The following FBXO7 variants were observed in gnomAD, a reference collection of about 807,000 sequenced individuals.
The protein encoded by FBXO7 is F-box protein 7.
A neutral mutation model predicts 50.2 loss-of-function variants in FBXO7; 31 were observed. The ratio of observed to expected loss-of-function variants is 0.62; its 90% confidence interval spans 0.46 to 0.83. The LOEUF (loss-of-function observed/expected upper bound fraction) is 0.83. FBXO7 is among the 40% of genes least tolerant of loss of function. The probability of loss-of-function intolerance (pLI) is 0.00; values close to 1 mark genes in which losing one functional copy is unlikely to be tolerated. For synonymous variants in FBXO7, 256 were observed against 253.1 expected, an observed-to-expected ratio of 1.01 and a Z score of -0.11; for missense variants, 667 against 646.6, an observed-to-expected ratio of 1.03 and a Z score of -0.34.
chr22:32,492,053 G>A (rs1443943366), intron 6 of FBXO7: 1 of 152,010 alleles, frequency 6.6e-6, no homozygotes, highest in African/African-American at 2.4e-5. Context: ...TTCCACTCAC[G>A]TTTTGTCAGA....
rs1311482312 is a variant in FBXO7 at position 32,498,472 on chromosome 22, G to C, written c.1511G>C (p.Arg504Thr). ...CCAGGGCGAGGCGGCCCCAATGACA[G>C]ATTTCCCTTTAGACCCAGCAGGGGT... ...ILPGRGGPND[R>T]FPFRPSRGRP... The change falls in exon 9 of 9, where the codon AGA becomes ACA. Residue 504 changes from arginine (R) to threonine (T), a missense_variant. Transcript: ENST00000266087. 1.2e-6 allele frequency: 2 copies of C among 1,614,188 alleles called. No individual in the cohort carries two copies. The highest frequency in any genetic ancestry group is 4.5e-5 in the East Asian group (2 of 44,888).
intron 5 of FBXO7, chr22:32,488,290 G>A (rs1279886416): frequency 6.3e-6 from 1 of 159,628 alleles, no homozygotes; most frequent in African/African-American, 2.4e-5. Context: ...AAATTTGATG[G>A]CTATTTTATA....
chr22:32,487,728 CTTT>C lies in FBXO7; in HGVS notation c.788-15_788-13del, dbSNP rs746152231. 1.5e-5 allele frequency: 23 copies of C among 1,544,228 alleles called. No homozygotes were observed. Among genetic ancestry groups the C allele is most frequent in the Non-Finnish European group, 2.0e-5 (22 of 1,118,602 alleles). Reference sequence around the variant, plus strand: ...AGTGACAGAATTCTTTATCATCTTTCTTTTGTTTATTTACAGCTACACTAAAAA... The same window carrying C: ...AGTGACAGAATTCTTTATCATCTTTCTGTTTATTTACAGCTACACTAAAAA... On this transcript the variant is annotated splice_polypyrimidine_tract_variant and intron_variant, in intron 4 of 8. Coordinates refer to ENST00000266087, the MANE Select transcript of FBXO7 (RefSeq NM_012179.4).
intron 5 of FBXO7, 147 bp downstream of exon 5, chr22:32,487,975 A>C: frequency 1.6e-6 from 1 of 633,206 alleles, no homozygotes; most frequent in South Asian, 1.9e-5. Context: ...AAGAATGCAA[A>C]GGTTTAAAAA....
Position 32,474,858 on chromosome 22 carries a change from C to G in FBXO7, c.-145C>G. ...GCAGGGCGGCCACTGTGGCGGGGCT[C>G]TTTCCCCGTTTCGCCTCAGCTACCC... On this transcript the variant is annotated 5_prime_UTR_variant, in exon 1 of 9. Transcript: ENST00000266087. 1 of 788,078 alleles carries G rather than the reference C, an allele frequency of 1.3e-6. No homozygotes were observed. The highest frequency in any genetic ancestry group is 1.9e-5 in the South Asian group (1 of 52,388). The allele number at this position is 788,078 out of a possible 1,614,324, so 48.8% of individuals were successfully genotyped here. A position where few individuals can be genotyped will look rare whatever the true frequency, so the allele number is the denominator to read the frequency against.
chr22:32,479,380 A>C (rs929245517), intron 2 of FBXO7, 105 bp downstream of exon 2: 157 of 1,022,408 alleles, frequency 1.5e-4, no homozygotes, highest in Non-Finnish European at 2.1e-4. Flanking sequence ...GATAGATTGC[A>C]CATTTTATAT....
chr22:32,483,930 A>G lies in FBXO7; in HGVS notation c.451A>G (p.Ile151Val). The change falls in exon 3 of 9, where the codon ATT (isoleucine) becomes GTT (valine). Residue 151 changes from isoleucine (I) to valine (V), a missense_variant. Ile to Val is a conservative substitution (Grantham distance 29). Coordinates refer to ENST00000266087, the MANE Select transcript of FBXO7 (RefSeq NM_012179.4). The part of the protein sequence containing the change: ...GPSQNFEAES[I>V]QDNAHMAEGT... ...TAGTCAAAATTTTGAAGCTGAGTCA[A>G]TTCAAGATAATGCGCATATGGCAGA... 2 of 1,614,174 alleles carry G rather than the reference A, an allele frequency of 1.2e-6. No homozygotes were observed. Among genetic ancestry groups the G allele is most frequent in the Non-Finnish European group, 1.7e-6 (2 of 1,180,018 alleles).
chr22:32,494,107 T>TAA (rs130725), intron 7 of FBXO7, among the ~76,000 whole-genome samples: 39,861 of 120,374 alleles, frequency 0.33, 6,790 homozygotes, highest in East Asian at 0.64. Flanking sequence ...ATAGCTCCCT[T>TAA]AAAAAAAAAA....
chr22:32,484,078 T>G lies in FBXO7; in HGVS notation c.599T>G (p.Ile200Arg). The change falls in exon 3 of 9, where the codon ATA becomes AGA. Residue 200 changes from isoleucine (I) to arginine (R), a missense_variant. Coordinates refer to ENST00000266087, the MANE Select transcript of FBXO7 (RefSeq NM_012179.4). Reference protein sequence around the residue: ...ADCSDANDALIVLIHLLMLES... With the variant: ...ADCSDANDALRVLIHLLMLES... ...TGTTCTGATGCCAATGATGCCTTGATAGTGTTGATACATCTTCTCATGTTG... is the reference window on the plus strand; with the variant it reads ...TGTTCTGATGCCAATGATGCCTTGAGAGTGTTGATACATCTTCTCATGTTG... 2 of 1,614,200 alleles carry G rather than the reference T, an allele frequency of 1.2e-6. No individual in the cohort carries two copies. Among genetic ancestry groups the G allele is most frequent in the Non-Finnish European group, 1.7e-6 (2 of 1,180,024 alleles).
intron 3 of FBXO7, among the ~76,000 whole-genome samples, 172 bp downstream of exon 3, chr22:32,484,296 A>G (rs1025923884): frequency 2.6e-5 from 4 of 152,220 alleles, no homozygotes; most frequent in African/African-American, 9.6e-5. Flanking sequence ...GATGCCAGGA[A>G]TTCATGGAGG....
At chr22:32,484,209 G>C in intron 3 of FBXO7, 85 bp downstream of exon 3, 1 of 1,168,070 alleles carries the variant, frequency 8.6e-7, no homozygotes, top group Admixed American at 1.7e-5. Context: ...CGTAGTCTGA[G>C]AGTGGCAGAG....
Position 32,479,094 on chromosome 22 carries a change from A to G in FBXO7, c.236A>G (p.Gln79Arg). The G allele has an allele frequency of 6.2e-7, 1 of 1,614,198 alleles. No individual in the cohort carries two copies. Among genetic ancestry groups the G allele is most frequent in the Non-Finnish European group, 8.5e-7 (1 of 1,180,028 alleles). Residue 79 changes from glutamine to arginine, a missense_variant, in exon 2 of 9, where the codon CAA (glutamine) becomes CGA (arginine). By Grantham distance (43) the Gln-to-Arg change is conservative. Transcript: ENST00000266087. ...GGGGACTTGATATGTTTGATTCTTCAAGATGACATTCCAGCGCCTAATATA... is the reference window on the plus strand; with the variant it reads ...GGGGACTTGATATGTTTGATTCTTCGAGATGACATTCCAGCGCCTAATATA... ...VSGDLICLILQDDIPAPNIPS... is the reference protein window; with the variant it reads ...VSGDLICLILRDDIPAPNIPS...
At chr22:32,485,565 T>C (rs2057493240) in intron 4 of FBXO7, among the ~76,000 whole-genome samples, 1 of 152,222 alleles carries the variant, frequency 6.6e-6, no homozygotes, top group South Asian at 2.1e-4. Flanking sequence ...ACTTTTTCTT[T>C]ATGCCTGTGG....
Position 32,479,260 on chromosome 22 carries a change from G to C in FBXO7, c.402G>C (p.Trp134Cys). The C allele has an allele frequency of 1.2e-6, 2 of 1,614,182 alleles. No individual in the cohort carries two copies. Among genetic ancestry groups the C allele is most frequent in the Non-Finnish European group, 1.7e-6 (2 of 1,180,030 alleles). ...FQGQAAQSGV[W>C]NDDSMLGPSQ... Reference sequence around the variant, plus strand: ...GACAGGCAGCCCAGTCTGGTGTTTGGAATGACGACAGTATGGTGGGTATTA... The same window carrying C: ...GACAGGCAGCCCAGTCTGGTGTTTGCAATGACGACAGTATGGTGGGTATTA... Residue 134 changes from tryptophan (W) to cysteine (C), a missense_variant, in exon 2 of 9, where the codon TGG becomes TGC. Trp to Cys is a radical substitution (Grantham distance 215). Coordinates refer to ENST00000266087, the MANE Select transcript of FBXO7 (RefSeq NM_012179.4).
intron 4 of FBXO7, 57 bp downstream of exon 4, chr22:32,485,266 C>T: frequency 1.2e-6 from 2 of 1,608,442 alleles, no homozygotes; most frequent in Middle Eastern, 1.7e-4. Flanking sequence ...CGTTTCTTTC[C>T]AAATGTTTTA....
chr22:32,492,745 T>C (rs891688908), intron 6 of FBXO7: 1 of 274,034 alleles, frequency 3.6e-6, no homozygotes, highest in Non-Finnish European at 7.0e-6. Context: ...GCCAGTGAAT[T>C]ATTCATTTTC....
At chr22:32,479,746 C>T (rs978473611) in intron 2 of FBXO7, among the ~76,000 whole-genome samples, 7 of 152,092 alleles carry the variant, frequency 4.6e-5, no homozygotes, top group African/African-American at 1.7e-4. Context: ...AATGCCTGTA[C>T]CAATATGGGG....
intron 1 of FBXO7, chr22:32,475,440 A>G (rs1228269650): frequency 6.2e-7 from 1 of 1,606,018 alleles, no homozygotes; most frequent in South Asian, 1.1e-5. Context: ...GGAACCAGGG[A>G]GAGGAGGGAA....
intron 1 of FBXO7, chr22:32,475,377 G>A (rs1455432568): frequency 3.7e-6 from 6 of 1,610,216 alleles, no homozygotes; most frequent in Non-Finnish European, 5.1e-6. Context: ...CCGGCCTCCC[G>A]GGGGCTCTGG....
Sources: allele counts gnomAD v4.1 joint callset (sites outside exome capture counted in the v4.1 genomes callset), GRCh38; gene constraint gnomAD v4.1.1; transcripts MANE v1.5; gene names NCBI Gene and HGNC (gene_info 2026-07-23, HGNC 2026-07-21).